The following USP47 variants were observed in gnomAD, a reference collection of about 807,000 sequenced individuals.
The protein encoded by USP47 is ubiquitin specific peptidase 47.
Under a neutral mutation model 165.1 loss-of-function variants are expected in USP47, and 35 were observed. The observed-to-expected ratio is 0.21, with a 90% CI of 0.16 to 0.28. The LOEUF (loss-of-function observed/expected upper bound fraction) is 0.28. Among genes scored for constraint, USP47 ranks in the 10% least tolerant of loss-of-function variants. The pLI is 1.00. For missense variants in USP47, 1,277 were observed against 1,607.4 expected, an observed-to-expected ratio of 0.79 and a Z score of 3.52; for synonymous variants, 531 against 544.5, an observed-to-expected ratio of 0.98 and a Z score of 0.35.
At chr11:11,877,805 C>G (rs4486625) in intron 1 of USP47, among the ~76,000 whole-genome samples, 6 of 71,158 alleles carry the variant, frequency 8.4e-5, no homozygotes, top group East Asian at 5.6e-4. Context: ...CTCTCTCTCT[C>G]TGTGTGTGTG....
intron 2 of USP47, among the ~76,000 whole-genome samples, chr11:11,883,591 C>T (rs765369031): frequency 2.0e-5 from 3 of 152,166 alleles, no homozygotes; most frequent in East Asian, 3.9e-4. Context: ...GAGACTCTGC[C>T]CATGTCTTTG....
At chr11:11,856,020 A>G (rs1405501471) in intron 1 of USP47, among the ~76,000 whole-genome samples, 4 of 152,176 alleles carry the variant, frequency 2.6e-5, no homozygotes. Context: ...GGCTGACTTG[A>G]TTATTATGTA....
intron 25 of USP47, 128 bp downstream of exon 25, chr11:11,952,999 C>A: frequency 1.4e-6 from 1 of 725,782 alleles, no homozygotes; most frequent in Non-Finnish European, 1.7e-6. Flanking sequence ...GAAGTAGTAC[C>A]AAACACTGGT....
chr11:11,902,680 T>C, intron 5 of USP47, 35 bp from the exon 6 acceptor site: 1 of 1,343,962 alleles, frequency 7.4e-7, no homozygotes, highest in Non-Finnish European at 9.8e-7. Flanking sequence ...ATAAAATCAT[T>C]TTATAAATAC....
chr11:11,852,329 G>C (rs1054812723), intron 1 of USP47, among the ~76,000 whole-genome samples: 1 of 151,288 alleles, frequency 6.6e-6, no homozygotes, highest in African/African-American at 2.4e-5. Context: ...ATTTGTATCA[G>C]TATGGACTTA....
intron 20 of USP47, 68 bp from the exon 21 acceptor site, chr11:11,947,877 T>G: frequency 2.7e-6 from 4 of 1,477,826 alleles, no homozygotes; most frequent in Non-Finnish European, 3.6e-6. Flanking sequence ...GTATATGATC[T>G]GTTTTATTTA....
Position 11,942,624 on chromosome 11 carries a change from A to C in USP47, c.2603A>C (p.Gln868Pro). The C allele has an allele frequency of 1.9e-6, 3 of 1,613,556 alleles. No homozygotes were observed. Among genetic ancestry groups the C allele is most frequent in the Non-Finnish European group, 1.7e-6 (2 of 1,179,760 alleles). ...EKLKSLSLQQ[Q>P]QDGDNGDSSK... ...CTCAAAAGCTTGTCACTGCAGCAAC[A>C]GCAGGATGGAGATAATGGGGACAGC... The change falls in exon 20 of 28, where the codon CAG (glutamine) becomes CCG (proline). Residue 868 changes from glutamine to proline, a missense_variant. Physicochemically the swap from Gln to Pro is moderately conservative, Grantham distance 76 (BLOSUM62 -1). Transcript: ENST00000527733.
intron 1 of USP47, among the ~76,000 whole-genome samples, chr11:11,845,924 G>A (rs1441270663): frequency 6.6e-6 from 1 of 152,158 alleles, no homozygotes; most frequent in Non-Finnish European, 1.5e-5. Flanking sequence ...TTTCCCATAG[G>A]ATAGTTTTTC....
In USP47 at chr11:11,942,921, C is replaced by G. The variant is rs200381967; in HGVS notation, c.2900C>G (p.Ser967Cys). ...ATCCCTTTGGCTAATGGACTTGACT[C>G]TCACAGTATCACAAGTAGTAGAAGA... is the stretch of plus-strand genomic sequence containing the variant. ...AQIPLANGLD[S>C]HSITSSRRTK... Residue 967 changes from serine to cysteine, a missense_variant, in exon 20 of 28, where the codon TCT becomes TGT. Ser to Cys is a moderately radical substitution (Grantham distance 112, BLOSUM62 -1). Coordinates refer to ENST00000527733, the MANE Select transcript of USP47 (RefSeq NM_001282659.2). 1 of 1,613,508 alleles carries G rather than the reference C, an allele frequency of 6.2e-7. No homozygotes were observed. Among genetic ancestry groups the G allele is most frequent in the Non-Finnish European group, 8.5e-7 (1 of 1,179,712 alleles).
At chr11:11,949,012 A>G (rs1856040528) in intron 22 of USP47, 1 of 157,280 alleles carries the variant, frequency 6.4e-6, no homozygotes, top group African/African-American at 2.4e-5. Flanking sequence ...AAGCATTTAT[A>G]TAGTGTCTAC....
At chr11:11,921,881 A>G (rs1853862553) in intron 10 of USP47, among the ~76,000 whole-genome samples, 1 of 151,828 alleles carries the variant, frequency 6.6e-6, no homozygotes, top group Non-Finnish European at 1.5e-5. Context: ...ATCTCCATTT[A>G]TCCTTGAACC....
chr11:11,848,230 A>T lies in USP47; in HGVS notation c.39+6006A>T, dbSNP rs191851034. Among the ~76,000 whole-genome samples, 527 of 152,368 alleles carry T rather than the reference A, an allele frequency of 3.5e-3. 2 individuals carry two copies. The highest frequency in any genetic ancestry group is 0.012 in the African/African-American group (498 of 41,588). ...GAGGACCTATTCTGAGAAATGTATC[A>T]TTAGACATCATTTGAACATGATACA... On this transcript the variant is annotated intron_variant, in intron 1 of 27. Coordinates refer to ENST00000527733, the MANE Select transcript of USP47 (RefSeq NM_001282659.2).
chr11:11,943,658 A>C (rs373251527), intron 20 of USP47: 23 of 152,268 alleles, frequency 1.5e-4, no homozygotes, highest in African/African-American at 5.1e-4. Context: ...AATCTCAGAA[A>C]GAGGGAAAAG....
At chr11:11,912,677 C>T (rs1853088618) in intron 8 of USP47, among the ~76,000 whole-genome samples, 1 of 151,934 alleles carries the variant, frequency 6.6e-6, no homozygotes, top group African/African-American at 2.4e-5. Context: ...ACCCATAGTC[C>T]TGTGACACTA....
At chr11:11,938,089 T>TA (rs1278598658) in intron 17 of USP47, among the ~76,000 whole-genome samples, 168 bp from the exon 18 acceptor site, 1 of 152,024 alleles carries the variant, frequency 6.6e-6, no homozygotes, top group Non-Finnish European at 1.5e-5. Context: ...TCACCTTTAA[T>TA]ATTTGTTTTG....
At chr11:11,863,168 ATGT>A (rs1159696107) in intron 1 of USP47, among the ~76,000 whole-genome samples, 10 of 152,188 alleles carry the variant, frequency 6.6e-5, no homozygotes, top group Non-Finnish European at 1.0e-4. Context: ...TTATTTACAG[ATGT>A]TGTGATTTGA....
intron 8 of USP47, among the ~76,000 whole-genome samples, chr11:11,909,942 A>G (rs1852842452): frequency 6.6e-6 from 1 of 152,322 alleles, no homozygotes; most frequent in East Asian, 1.9e-4. Context: ...ACATTCTTAC[A>G]TGGGTGACTC....
intron 3 of USP47, 117 bp downstream of exon 3, chr11:11,884,697 A>T (rs556306216): frequency 1.5e-6 from 1 of 674,274 alleles, no homozygotes; most frequent in African/African-American, 1.8e-5. Flanking sequence ...ATAAATTAAT[A>T]TTTTTTCATT....
At chr11:11,855,960 G>A (rs763418172) in intron 1 of USP47, among the ~76,000 whole-genome samples, 12 of 152,166 alleles carry the variant, frequency 7.9e-5, no homozygotes, top group African/African-American at 2.9e-4. Context: ...ACCATAGAGC[G>A]GGGAGCAGCT....
Sources: allele counts gnomAD v4.1 joint callset (sites outside exome capture counted in the v4.1 genomes callset), GRCh38; gene constraint gnomAD v4.1.1; transcripts MANE v1.5; gene names NCBI Gene and HGNC (gene_info 2026-07-23, HGNC 2026-07-21).